The following EPB41L4B variants were observed in gnomAD, a reference collection of about 807,000 sequenced individuals.
EPB41L4B encodes band 4.1-like protein 4B.
A neutral mutation model predicts 112.5 loss-of-function variants in EPB41L4B; 30 were observed. That is an observed-to-expected ratio of 0.27 (90% confidence interval 0.20 to 0.36). EPB41L4B has a LOEUF of 0.36. EPB41L4B is among the 10% of genes least tolerant of loss of function. The pLI is 1.00. For synonymous variants in EPB41L4B, 408 were observed against 439.7 expected (o/e 0.93, Z 0.90); for missense variants, 1,024 against 1,133.3 (o/e 0.90, Z 1.38).
At chr9:109,268,767 C>T (rs545061540) in intron 2 of EPB41L4B, among the ~76,000 whole-genome samples, 46 of 151,884 alleles carry the variant, frequency 3.0e-4, no homozygotes, top group Admixed American at 2.4e-3. Flanking sequence ...CATGGTGGCG[C>T]GCGCCTGTAG....
At chr9:109,203,578 C>A in intron 19 of EPB41L4B, 85 bp downstream of exon 19, 1 of 1,102,414 alleles carries the variant, frequency 9.1e-7, no homozygotes, top group Non-Finnish European at 1.4e-6. Context: ...ATTTTATCAG[C>A]TAATGCCCTC....
chr9:109,209,294 T>C (rs558005432), intron 17 of EPB41L4B, among the ~76,000 whole-genome samples: 1 of 152,028 alleles, frequency 6.6e-6, no homozygotes, highest in African/African-American at 2.4e-5. Flanking sequence ...AACTTTCCAA[T>C]TTTATGTAAT....
intron 4 of EPB41L4B, among the ~76,000 whole-genome samples, chr9:109,266,968 C>CAAAAAA (rs3061574): frequency 1.1e-5 from 1 of 91,736 alleles, no homozygotes; most frequent in Non-Finnish European, 2.2e-5. Context: ...GATTTTGTTT[C>CAAAAAA]AAAAAAAAAA....
At chr9:109,249,807 C>T (rs992324690) in intron 13 of EPB41L4B, among the ~76,000 whole-genome samples, 2 of 152,190 alleles carry the variant, frequency 1.3e-5, no homozygotes, top group Admixed American at 6.5e-5. Flanking sequence ...TCCCACCCTC[C>T]GGGGCAGGGG....
chr9:109,197,577 T>G (rs1832684225), intron 20 of EPB41L4B, among the ~76,000 whole-genome samples: 1 of 152,164 alleles, frequency 6.6e-6, no homozygotes, highest in Non-Finnish European at 1.5e-5. Context: ...TGCTATTGTT[T>G]GATTTTCAAA....
At chr9:109,213,586 T>C (rs1833255807) in intron 17 of EPB41L4B, 114 bp downstream of exon 17, 9 of 768,400 alleles carry the variant, frequency 1.2e-5, no homozygotes, top group Non-Finnish European at 1.8e-5. Flanking sequence ...AAAGATGGAA[T>C]AGAGATCCCT....
At chr9:109,232,045 G>A (rs1046489596) in intron 15 of EPB41L4B, among the ~76,000 whole-genome samples, 12 of 151,630 alleles carry the variant, frequency 7.9e-5, no homozygotes, top group Non-Finnish European at 1.2e-4. Context: ...AGGCTGGAGT[G>A]CAGTGGTGCA....
intron 15 of EPB41L4B, chr9:109,240,723 C>G (rs573772276): frequency 1.0e-6 from 1 of 985,414 alleles, no homozygotes; most frequent in African/African-American, 1.7e-5. Flanking sequence ...ACCTTATATG[C>G]TTTCATTTGA....
intron 1 of EPB41L4B, among the ~76,000 whole-genome samples, chr9:109,299,640 C>T (rs1411196142): frequency 2.0e-5 from 3 of 152,102 alleles, no homozygotes; most frequent in Admixed American, 2.0e-4. Flanking sequence ...CAAAAGTGCA[C>T]AGATCATACA....
rs556015017 is a variant in EPB41L4B, at chr9:109,308,496, T to C, written c.306+11645A>G. On this transcript the variant is annotated intron_variant, in intron 1 of 25. Transcript: ENST00000374566. Reference sequence around the variant, plus strand: ...AGGTTTTTAGGTTAAGAGTCTTAGATAGAATATCTATCAAATGCAATGAAA... The same window carrying C: ...AGGTTTTTAGGTTAAGAGTCTTAGACAGAATATCTATCAAATGCAATGAAA... Among the ~76,000 whole-genome samples, 27 of 152,326 alleles carry C rather than the reference T, an allele frequency of 1.8e-4. No individual in the cohort carries two copies. In the South Asian group the frequency reaches 3.7e-3, roughly 21 times the overall value.
rs535231982 is a variant in EPB41L4B at position 109,202,618 on chromosome 9, G to A, written c.1946+1045C>T. ...AATGAGGCCACCACCACCATGCCAAGAAGGAAAGAGTTCCTGTTCTCTGTG... is the reference window on the plus strand; with the variant it reads ...AATGAGGCCACCACCACCATGCCAAAAAGGAAAGAGTTCCTGTTCTCTGTG... On this transcript the variant is annotated intron_variant, in intron 19 of 25. Coordinates refer to ENST00000374566, the MANE Select transcript of EPB41L4B (RefSeq NM_019114.5). Among the ~76,000 whole-genome samples, 11 of 152,356 alleles carry A rather than the reference G, an allele frequency of 7.2e-5. 1 individual carries two copies. The South Asian group carries it at 2.1e-3, about 29-fold the overall frequency.
intron 6 of EPB41L4B, 56 bp downstream of exon 6, chr9:109,262,994 G>A (rs1835272552): frequency 3.2e-6 from 4 of 1,243,652 alleles, no homozygotes; most frequent in African/African-American, 1.5e-5. Context: ...ACACTCATTT[G>A]TTGAAATAAA....
chr9:109,200,448 G>T, intron 19 of EPB41L4B, 114 bp from the exon 20 acceptor site: 1 of 671,174 alleles, frequency 1.5e-6, no homozygotes, highest in East Asian at 2.7e-5. Flanking sequence ...TGATAGTCAA[G>T]AAATCCATTT....
At chr9:109,220,254 A>G (rs900090349) in intron 15 of EPB41L4B, among the ~76,000 whole-genome samples, 2 of 152,200 alleles carry the variant, frequency 1.3e-5, no homozygotes, top group Non-Finnish European at 2.9e-5. Context: ...GAATAGCATG[A>G]GCAAAGGAAC....
intron 21 of EPB41L4B, 142 bp downstream of exon 21, chr9:109,194,078 G>T (rs1258193422): frequency 1.2e-6 from 1 of 863,378 alleles, no homozygotes; most frequent in African/African-American, 1.7e-5. Flanking sequence ...ATAAAAACAT[G>T]TTCTGGTTGT....
At chr9:109,231,019 C>T (rs897922501) in intron 15 of EPB41L4B, among the ~76,000 whole-genome samples, 9 of 151,976 alleles carry the variant, frequency 5.9e-5, no homozygotes, top group Non-Finnish European at 1.3e-4. Context: ...ATTAGCTGGG[C>T]ATAGTGGTGC....
At chr9:109,236,822 G>A (rs561057451) in intron 15 of EPB41L4B, among the ~76,000 whole-genome samples, 5 of 152,120 alleles carry the variant, frequency 3.3e-5, no homozygotes, top group East Asian at 1.9e-4. Flanking sequence ...TTTTCTCTCC[G>A]CCCCCTTATG....
At chr9:109,256,357 G>A in intron 8 of EPB41L4B, 36 bp downstream of exon 8, 1 of 1,605,464 alleles carries the variant, frequency 6.2e-7, no homozygotes, top group Non-Finnish European at 8.5e-7. Context: ...TTCAGTAACA[G>A]CAAAACCAAA....
At chr9:109,221,277 T>C (rs1833563891) in intron 15 of EPB41L4B, among the ~76,000 whole-genome samples, 1 of 152,124 alleles carries the variant, frequency 6.6e-6, no homozygotes, top group Non-Finnish European at 1.5e-5. Context: ...GATGGATTAA[T>C]GAAGTTGTGC....
Sources: allele counts gnomAD v4.1 joint callset (sites outside exome capture counted in the v4.1 genomes callset), GRCh38; gene constraint gnomAD v4.1.1; transcripts MANE v1.5; gene names NCBI Gene and HGNC (gene_info 2026-07-23, HGNC 2026-07-21).